The following CYP1A2 variants were observed in gnomAD, a reference collection of about 807,000 sequenced individuals.
CYP1A2 encodes the protein cytochrome P450 family 1 subfamily A member 2, also known as cytochrome P450 1A2.
CYP1A2 carries 35 observed loss-of-function variants against 34.7 expected under a neutral mutation model. The ratio of observed to expected loss-of-function variants is 1.01; its 90% CI spans 0.77 to 1.34. CYP1A2 has a LOEUF of 1.34. CYP1A2 is among the 40% of genes most tolerant of loss of function. The pLI is 0.00. For synonymous variants in CYP1A2, 288 were observed against 281.9 expected (o/e 1.02, Z -0.22); for missense variants, 675 against 675.8 (o/e 1.00, Z 0.01).
rs1315277043 is a variant in CYP1A2 at position 74,749,983 on chromosome 15, C to T, written c.245C>T (p.Ser82Phe). The change falls in exon 2 of 7, where the codon TCC becomes TTC. Residue 82 changes from serine (S) to phenylalanine (F), a missense_variant. Ser to Phe is a radical substitution (Grantham distance 155, BLOSUM62 -2). Transcript: ENST00000343932. ...GACGTCCTGCAGATCCGCATTGGCT[C>T]CACGCCCGTGCTGGTGCTGAGCCGC... ...YGDVLQIRIG[S>F]TPVLVLSRLD... The T allele has an allele frequency of 4.3e-6, 7 of 1,613,978 alleles. No homozygotes were observed. In the Admixed American group the frequency reaches 6.7e-5, roughly 15 times the overall value.
rs2063307013 is a variant in CYP1A2, at chr15:74,750,083, C to T, written c.345C>T (p.Thr115=). 1 of 1,614,062 alleles carries T rather than the reference C, an allele frequency of 6.2e-7. No individual in the cohort carries two copies. The highest frequency in any genetic ancestry group is 8.5e-7 in the Non-Finnish European group (1 of 1,180,034). Residue 115 remains threonine, a synonymous_variant, in exon 2 of 7, where the codon ACC becomes ACT. Coordinates refer to ENST00000343932, the MANE Select transcript of CYP1A2 (RefSeq NM_000761.5). The stretch of plus-strand genomic sequence containing the variant: ...GCCGGCCTGACCTCTACACCTCCAC[C>T]CTCATCACTGATGGCCAGAGCTTGA... ...FKGRPDLYTS[T]LITDGQSLTF... is the part of the protein sequence containing the mutation.
Position 74,753,232 on chromosome 15 carries a change from C to T in CYP1A2, c.1215C>T (p.Cys405=), listed in dbSNP as rs1198742305. ...ATGGCTTCTACATCCCCAAGAAATG[C>T]TGTGTCTTCGTAAACCAGTGGCAGG... The part of the protein sequence containing the change: ...TLNGFYIPKK[C]CVFVNQWQVN... Residue 405 remains cysteine (C), a synonymous_variant, in exon 6 of 7, where the codon TGC becomes TGT. Transcript: ENST00000343932. 3 of 1,613,736 alleles carry T rather than the reference C, an allele frequency of 1.9e-6. No individual in the cohort carries two copies. Among genetic ancestry groups the T allele is most frequent in the Non-Finnish European group, 2.5e-6 (3 of 1,179,862 alleles).
chr15:74,749,904 A>G lies in CYP1A2; in HGVS notation c.166A>G (p.Thr56Ala), dbSNP rs1378709714. 1.9e-6 allele frequency: 3 copies of G among 1,610,158 alleles called. No individual in the cohort carries two copies. The highest frequency in any genetic ancestry group is 1.7e-6 in the Non-Finnish European group (2 of 1,177,018). Reference protein sequence around the residue: ...WGWPLLGHVLTLGKNPHLALS... With the variant: ...WGWPLLGHVLALGKNPHLALS... Reference sequence around the variant, plus strand: ...CTGGCCCTTGCTCGGGCATGTGCTGACCCTGGGGAAGAACCCGCACCTGGC... The same window carrying G: ...CTGGCCCTTGCTCGGGCATGTGCTGGCCCTGGGGAAGAACCCGCACCTGGC... The change falls in exon 2 of 7, where the codon ACC becomes GCC. Residue 56 changes from threonine (T) to alanine (A), a missense_variant. Thr to Ala is a moderately conservative substitution (Grantham distance 58, BLOSUM62 0). Transcript: ENST00000343932.
chr15:74,750,022 G>T lies in CYP1A2; in HGVS notation c.284G>T (p.Arg95Leu), dbSNP rs754758658. Residue 95 changes from arginine (R) to leucine (L), a missense_variant, in exon 2 of 7, where the codon CGG (arginine) becomes CTG (leucine). By Grantham distance (102) the Arg-to-Leu change is moderately radical (BLOSUM62 -2). Coordinates refer to ENST00000343932, the MANE Select transcript of CYP1A2 (RefSeq NM_000761.5). The stretch of plus-strand genomic sequence containing the variant: ...GTGCTGAGCCGCCTGGACACCATCC[G>T]GCAGGCCCTGGTGCGGCAGGGCGAC... Reference protein sequence around the residue: ...VLVLSRLDTIRQALVRQGDDF... With the variant: ...VLVLSRLDTILQALVRQGDDF... The T allele has an allele frequency of 6.2e-7, 1 of 1,614,030 alleles. No homozygotes were observed. Among genetic ancestry groups the T allele is most frequent in the Non-Finnish European group, 8.5e-7 (1 of 1,180,022 alleles).
chr15:74,752,894 T>TTC (rs1555462640), intron 5 of CYP1A2, among the ~76,000 whole-genome samples: 1 of 148,550 alleles, frequency 6.7e-6, no homozygotes, highest in Admixed American at 6.8e-5. Context: ...TTTTTTTTTT[T>TTC]CATAGAAAAT....
chr15:74,750,480 CCT>C lies in CYP1A2; in HGVS notation c.743_744del (p.Pro248ArgfsTer28). 6.2e-7 allele frequency: 1 copy of C among 1,614,208 alleles called. No individual in the cohort carries two copies. The highest frequency in any genetic ancestry group is 8.5e-7 in the Non-Finnish European group (1 of 1,180,050). On this transcript the variant is annotated frameshift_variant, in exon 2 of 7. Coordinates refer to ENST00000343932, the MANE Select transcript of CYP1A2 (RefSeq NM_000761.5). LOFTEE classifies it high-confidence loss of function. The stretch of plus-strand genomic sequence containing the variant: ...CCCCATCCTTCGCTACCTGCCTAAC[CCT>C]GCCCTGCAGAGGTTCAAGGCCTTCA... ...FFPILRYLPNPALQRFKAFNQ... is the reference protein window; with the variant it reads ...FFPILRYLPNXALQRFKAFNQ...
chr15:74,754,904 G>C lies in CYP1A2; in HGVS notation c.1367G>C (p.Arg456Pro). ...EKMMLFGMGK[R>P]RCIGEVLAKW... ...ATGATGCTGTTTGGCATGGGCAAGC[G>C]CCGGTGTATCGGGGAAGTCCTGGCC... The change falls in exon 7 of 7, where the codon CGC becomes CCC. Residue 456 changes from arginine to proline, a missense_variant. By Grantham distance (103) the Arg-to-Pro change is moderately radical. Coordinates refer to ENST00000343932, the MANE Select transcript of CYP1A2 (RefSeq NM_000761.5). 1.2e-6 allele frequency: 2 copies of C among 1,614,238 alleles called. No individual in the cohort carries two copies. The highest frequency in any genetic ancestry group is 1.7e-6 in the Non-Finnish European group (2 of 1,180,054).
Position 74,751,264 on chromosome 15 carries a change from C to A in CYP1A2, c.907C>A (p.Pro303Thr). The A allele has an allele frequency of 6.2e-7, 1 of 1,614,142 alleles. No individual in the cohort carries two copies. Among genetic ancestry groups the A allele is most frequent in the Non-Finnish European group, 8.5e-7 (1 of 1,180,014 alleles). ...GCCTAGAGCCAGCGGCAACCTCATC[C>A]CACAGGAGAAGATTGTCAACCTTGT... ...KGPRASGNLI[P>T]QEKIVNLVND... The change falls in exon 3 of 7, where the codon CCA becomes ACA. Residue 303 changes from proline (P) to threonine (T), a missense_variant. Transcript: ENST00000343932.
chr15:74,755,215 A>C lies in CYP1A2; in HGVS notation c.*127A>C. On this transcript the variant is annotated 3_prime_UTR_variant, in exon 7 of 7. Coordinates refer to ENST00000343932, the MANE Select transcript of CYP1A2 (RefSeq NM_000761.5). ...AGCCAAGTGCAGGGCCTGTAATCCC[A>C]GCATTTTAGGAGGCCAAGGTTGGAG... 1 of 1,103,992 alleles carries C rather than the reference A, an allele frequency of 9.1e-7. No individual in the cohort carries two copies. Among genetic ancestry groups the C allele is most frequent in the Non-Finnish European group, 1.3e-6 (1 of 794,660 alleles). 68.4% of individuals were successfully genotyped at this position (1,103,992 alleles called of 1,614,324 possible).
Position 74,750,071 on chromosome 15 carries a change from C to T in CYP1A2, c.333C>T (p.Leu111=). ...QGDDFKGRPD[L]YTSTLITDGQ... ...ACGATTTCAAGGGCCGGCCTGACCT[C>T]TACACCTCCACCCTCATCACTGATG... is the stretch of plus-strand genomic sequence containing the variant. Residue 111 remains leucine, a synonymous_variant, in exon 2 of 7, where the codon CTC becomes CTT. Transcript: ENST00000343932. 1.2e-6 allele frequency: 2 copies of T among 1,614,076 alleles called. No individual in the cohort carries two copies. Among genetic ancestry groups the T allele is most frequent in the Non-Finnish European group, 8.5e-7 (1 of 1,180,036 alleles).
intron 2 of CYP1A2, 101 bp downstream of exon 2, chr15:74,750,670 G>A (rs551640542): frequency 6.0e-6 from 6 of 1,005,666 alleles, no homozygotes; most frequent in East Asian, 2.5e-5. Context: ...TGTTGCCAAG[G>A]CCTAGGAAGG....
chr15:74,750,138 G>T lies in CYP1A2; in HGVS notation c.400G>T (p.Ala134Ser). Residue 134 changes from alanine (A) to serine (S), a missense_variant, in exon 2 of 7, where the codon GCT (alanine) becomes TCT (serine). Ala to Ser is a moderately conservative substitution (Grantham distance 99). Transcript: ENST00000343932. ...CAGCACAGACTCTGGACCGGTGTGG[G>T]CTGCCCGCCGGCGCCTGGCCCAGAA... ...TFSTDSGPVW[A>S]ARRRLAQNAL... 2 of 1,614,006 alleles carry T rather than the reference G, an allele frequency of 1.2e-6. No individual in the cohort carries two copies. Among genetic ancestry groups the T allele is most frequent in the East Asian group, 2.2e-5 (1 of 44,876 alleles).
Position 74,751,381 on chromosome 15 carries a change from G to A in CYP1A2, c.952+72G>A. The A allele has an allele frequency of 1.3e-6, 2 of 1,589,616 alleles. 1 individual carries two copies. The highest frequency in any genetic ancestry group is 2.3e-5 in the South Asian group (2 of 86,928). On this transcript the variant is annotated intron_variant, in intron 3 of 6. Transcript: ENST00000343932. The stretch of plus-strand genomic sequence containing the variant: ...ACCCACAGCCTTGCCCAGCCCCTCA[G>A]TCCATGAAATAACCCACCAACCCTA...
At position 74,749,576 on chromosome 15, in the gene CYP1A2, C is replaced by A. The variant is rs762551; in HGVS notation, c.-9-154C>A. ...TGCTCAAAGGGTGAGCTCTGTGGGC[C>A]CAGGACGCATGGTAGATGGAGCTTA... On this transcript the variant is annotated intron_variant, in intron 1 of 6. Transcript: ENST00000343932. Among the ~76,000 whole-genome samples, 102,235 of 152,062 alleles carry A rather than the reference C, an allele frequency of 0.67. 34,665 individuals carry two copies. Among genetic ancestry groups the A allele is most frequent in the Non-Finnish European group, 0.71 (48,375 of 67,968 alleles).
chr15:74,753,201 C>T lies in CYP1A2; in HGVS notation c.1184C>T (p.Thr395Met), dbSNP rs149928755. ...CTCCTCAGCACAACAAGGGACACAA[C>T]GCTGAATGGCTTCTACATCCCCAAG... ...TIPHSTTRDT[T>M]LNGFYIPKKC... The change falls in exon 6 of 7, where the codon ACG (threonine) becomes ATG (methionine). Residue 395 changes from threonine to methionine, a missense_variant. Transcript: ENST00000343932. The T allele has an allele frequency of 2.2e-5, 36 of 1,613,620 alleles. No homozygotes were observed. In the Middle Eastern group the frequency reaches 6.6e-4, roughly 30 times the overall value.
At chr15:74,752,067 A>G (rs2063318006) in intron 4 of CYP1A2, 57 bp from the exon 5 acceptor site, 2 of 1,606,666 alleles carry the variant, frequency 1.2e-6, no homozygotes, top group Non-Finnish European at 1.7e-6. Context: ...AAGAGGGGAT[A>G]ATTCATGGGG....
intron 5 of CYP1A2, 81 bp from the exon 6 acceptor site, chr15:74,753,103 G>C (rs562943639): frequency 9.1e-7 from 1 of 1,104,374 alleles, no homozygotes; most frequent in African/African-American, 1.5e-5. Flanking sequence ...TGGGCAGGCT[G>C]TCTGGATGGG....
chr15:74,751,177 G>A lies in CYP1A2; in HGVS notation c.832-12G>A, dbSNP rs780645075. On this transcript the variant is annotated splice_polypyrimidine_tract_variant and intron_variant, in intron 2 of 6. Transcript: ENST00000343932. ...AAGTGCCAGAGGTGCCCCTAAGCTT[G>A]TGCCCCCTCAGAACAGTGTCCGGGA... The A allele has an allele frequency of 1.2e-6, 2 of 1,613,780 alleles. No homozygotes were observed. Among genetic ancestry groups the A allele is most frequent in the Admixed American group, 1.7e-5 (1 of 59,942 alleles).
chr15:74,752,422 A>C (rs2141739406), intron 5 of CYP1A2, among the ~76,000 whole-genome samples, 175 bp downstream of exon 5: 1 of 152,214 alleles, frequency 6.6e-6, no homozygotes, highest in South Asian at 2.1e-4. Flanking sequence ...AGCTCTCAGG[A>C]GAAAGTTCCA....
Sources: allele counts gnomAD v4.1 joint callset (sites outside exome capture counted in the v4.1 genomes callset), GRCh38; gene constraint gnomAD v4.1.1; transcripts MANE v1.5; gene names NCBI Gene and HGNC (gene_info 2026-07-23, HGNC 2026-07-21).